COP1: variants seen among roughly 807,000 people sequenced by gnomAD.
COP1 encodes COP1 E3 ubiquitin ligase, also known as E3 ubiquitin-protein ligase COP1.
COP1 carries 24 observed loss-of-function variants against 101.3 expected under a neutral mutation model. That is an observed-to-expected ratio of 0.24 (90% CI 0.17 to 0.33). The LOEUF (loss-of-function observed/expected upper bound fraction) is 0.33, where lower values mean the gene tolerates loss of function less well. Among genes scored for constraint, COP1 ranks in the 10% least tolerant of loss-of-function variants. The pLI is 1.00. For synonymous variants in COP1, 347 were observed against 341.9 expected, an observed-to-expected ratio of 1.01 and a Z score of -0.17; for missense variants, 663 against 906.2, an observed-to-expected ratio of 0.73 and a Z score of 3.45.
intron 14 of COP1, among the ~76,000 whole-genome samples, chr1:176,029,415 A>G (rs1209879848): frequency 6.6e-6 from 1 of 152,228 alleles, no homozygotes; most frequent in Non-Finnish European, 1.5e-5. Flanking sequence ...CAAAGGTACC[A>G]GAGCAACTAT....
chr1:175,999,702 G>C (rs1261808730), intron 15 of COP1, among the ~76,000 whole-genome samples: 3 of 152,026 alleles, frequency 2.0e-5, no homozygotes, highest in Non-Finnish European at 4.4e-5. Context: ...CTTCATAGTG[G>C]TTGTACCAAT....
intron 5 of COP1, among the ~76,000 whole-genome samples, chr1:176,160,043 A>G (rs938063657): frequency 2.0e-5 from 3 of 152,196 alleles, no homozygotes; most frequent in Admixed American, 2.0e-4. Flanking sequence ...ATGTAAAAAA[A>G]TCTATGACAG....
chr1:175,983,232 A>G (rs535105638), intron 18 of COP1, among the ~76,000 whole-genome samples: 11 of 152,340 alleles, frequency 7.2e-5, no homozygotes, highest in African/African-American at 2.6e-4. Flanking sequence ...GTGTGTCCCC[A>G]TCCAAATCTC....
chr1:175,961,124 GC>G (rs1651286536), intron 18 of COP1, among the ~76,000 whole-genome samples: 2 of 152,116 alleles, frequency 1.3e-5, no homozygotes, highest in South Asian at 4.1e-4. Context: ...AAATTCTCAG[GC>G]CTTTAGCCTA....
rs185716177 is a variant in COP1 at position 176,007,887 on chromosome 1, T to C, written c.1730-18408A>G. On this transcript the variant is annotated intron_variant, in intron 15 of 19. Transcript: ENST00000367669. Reference sequence around the variant, plus strand: ...TGGGCTCCACCCAGTTCCAGCTTCCTGGCTGCTTTGTTTACCTAAGCAAGC... The same window carrying C: ...TGGGCTCCACCCAGTTCCAGCTTCCCGGCTGCTTTGTTTACCTAAGCAAGC... 2.7e-3 allele frequency among the ~76,000 whole-genome samples: 409 copies of C among 152,360 alleles called. 3 individuals are homozygous for C. Among genetic ancestry groups the C allele is most frequent in the African/African-American group, 9.3e-3 (386 of 41,598 alleles).
At chr1:176,184,587 G>A in intron 2 of COP1, 46 bp downstream of exon 2, 1 of 1,443,042 alleles carries the variant, frequency 6.9e-7, no homozygotes, top group Non-Finnish European at 9.6e-7. Context: ...TTACAGATAA[G>A]TTTTAAAATG....
intron 5 of COP1, among the ~76,000 whole-genome samples, chr1:176,160,033 A>C (rs1269858747): frequency 3.3e-5 from 5 of 152,186 alleles, no homozygotes; most frequent in Non-Finnish European, 7.3e-5. Flanking sequence ...GAAAGCAATA[A>C]TGTAAAAAAA....
At chr1:175,973,867 G>A (rs1219515188) in intron 18 of COP1, among the ~76,000 whole-genome samples, 4 of 152,198 alleles carry the variant, frequency 2.6e-5, no homozygotes, top group African/African-American at 9.6e-5. Flanking sequence ...GGAACAGTGA[G>A]CAGCAAGATC....
chr1:176,123,672 T>C (rs553114676), intron 8 of COP1, among the ~76,000 whole-genome samples: 182 of 152,278 alleles, frequency 1.2e-3, no homozygotes, highest in African/African-American at 4.3e-3. Context: ...TCAAAGACAT[T>C]ACAGAAGAAT....
At chr1:176,019,571 A>G (rs988551341) in intron 15 of COP1, among the ~76,000 whole-genome samples, 3 of 150,498 alleles carry the variant, frequency 2.0e-5, no homozygotes, top group Non-Finnish European at 4.4e-5. Context: ...TCAAAACATC[A>G]CTAACAGGGC....
chr1:176,134,824 C>T (rs1298536410), intron 8 of COP1, among the ~76,000 whole-genome samples, 186 bp downstream of exon 8: 1 of 152,058 alleles, frequency 6.6e-6, no homozygotes, highest in Non-Finnish European at 1.5e-5. Context: ...TACTCGCTAA[C>T]TCTTCCTGGC....
At chr1:176,155,242 C>A (rs911025630) in intron 5 of COP1, among the ~76,000 whole-genome samples, 2 of 152,020 alleles carry the variant, frequency 1.3e-5, no homozygotes, top group Non-Finnish European at 2.9e-5. Flanking sequence ...CTAACTCAAG[C>A]AGCGATGAAG....
chr1:176,067,106 T>C (rs1676127101), intron 11 of COP1, among the ~76,000 whole-genome samples: 2 of 152,206 alleles, frequency 1.3e-5, no homozygotes, highest in African/African-American at 4.8e-5. Context: ...ATGGTAGATA[T>C]ATGCCATATA....
At chr1:176,164,590 GGAT>G (rs1694816795) in intron 3 of COP1, among the ~76,000 whole-genome samples, 1 of 152,096 alleles carries the variant, frequency 6.6e-6, no homozygotes, top group Admixed American at 6.6e-5. Context: ...CTTCATAAGG[GGAT>G]GATATCTGGA....
chr1:175,949,168 C>CAAAAAAAAAAAAAAAAAA lies in COP1; in HGVS notation c.2134-1947_2134-1930dup, dbSNP rs56280543. Among the ~76,000 whole-genome samples, 22 of 43,160 alleles carry CAAAAAAAAAAAAAAAAAA rather than the reference C, an allele frequency of 5.1e-4. 3 individuals carry two copies. The highest frequency in any genetic ancestry group is 2.6e-3 in the East Asian group (2 of 772). The allele number at this position is 43,160 out of a possible 152,430, so 28.3% of individuals were successfully genotyped here. A position where few individuals can be genotyped will look rare whatever the true frequency, so the allele number is the denominator to read the frequency against. Reference sequence around the variant, plus strand: ...GAGAGACTCCAGCAAGGCTCCGTCTCAAAAAAAAAAAAAAAAAAAAAAAAT... The same window carrying CAAAAAAAAAAAAAAAAAA: ...GAGAGACTCCAGCAAGGCTCCGTCTCAAAAAAAAAAAAAAAAAAAAAAAAAAAAAAAAAAAAAAAAAAT... On this transcript the variant is annotated intron_variant, in intron 18 of 19. Coordinates refer to ENST00000367669, the MANE Select transcript of COP1 (RefSeq NM_022457.7).
intron 2 of COP1, among the ~76,000 whole-genome samples, chr1:176,177,965 A>G (rs1181919901): frequency 6.6e-6 from 1 of 152,202 alleles, no homozygotes; most frequent in Non-Finnish European, 1.5e-5. Context: ...TGCCAGGCAC[A>G]TAACGGATAT....
chr1:176,110,935 T>C (rs1410321503), intron 9 of COP1, among the ~76,000 whole-genome samples: 1 of 152,084 alleles, frequency 6.6e-6, no homozygotes, highest in African/African-American at 2.4e-5. Flanking sequence ...ATGCAGATCA[T>C]GAGATCAAGG....
intron 11 of COP1, 67 bp from the exon 12 acceptor site, chr1:176,046,391 G>T: frequency 1.4e-6 from 2 of 1,444,104 alleles, no homozygotes; most frequent in Non-Finnish European, 1.9e-6. Flanking sequence ...AAAGTAATTC[G>T]GTCTACAAGG....
intron 9 of COP1, among the ~76,000 whole-genome samples, chr1:176,100,521 TTCCTGTGAACCAAACAG>T (rs1441873010): frequency 6.6e-6 from 1 of 152,206 alleles, no homozygotes; most frequent in East Asian, 1.9e-4. Flanking sequence ...ACCCTGCTTG[TTCCTGTGAACCAAACAG>T]TAGTTTCCAG....
Sources: allele counts gnomAD v4.1 joint callset (sites outside exome capture counted in the v4.1 genomes callset), GRCh38; gene constraint gnomAD v4.1.1; transcripts MANE v1.5; gene names NCBI Gene and HGNC (gene_info 2026-07-23, HGNC 2026-07-21).